Variants in ERLEC1 observed in about 807,000 individuals in gnomAD.
The protein encoded by ERLEC1 is endoplasmic reticulum lectin 1.
In ERLEC1, 47 loss-of-function variants were observed where a neutral mutation model predicts 68.0. The observed-to-expected ratio is 0.69, with a 90% confidence interval of 0.55 to 0.88. ERLEC1 has a LOEUF of 0.88. Among genes scored for constraint, ERLEC1 ranks in the 40% least tolerant of loss-of-function variants. The probability of loss-of-function intolerance (pLI) is 0.00; values close to 1 mark genes in which losing one functional copy is unlikely to be tolerated. For synonymous variants in ERLEC1, 225 were observed against 203.2 expected, an observed-to-expected ratio of 1.11 and a Z score of -0.91; for missense variants, 567 against 583.8, an observed-to-expected ratio of 0.97 and a Z score of 0.30.
At position 53,794,325 on chromosome 2, in the gene ERLEC1, GT is replaced by G. The variant is rs777296809; in HGVS notation, c.163-14del. The G allele has an allele frequency of 1.7e-6, 2 of 1,159,400 alleles. No individual in the cohort carries two copies. The highest frequency in any genetic ancestry group is 2.5e-6 in the Non-Finnish European group (2 of 811,568). 71.8% of individuals were successfully genotyped at this position (1,159,400 alleles called of 1,614,324 possible). ...CAATTTCACGGAGAACATAATGTATGTTTTTTCTTCTATTTGCAGCCCACAA... is the reference window on the plus strand; with the variant it reads ...CAATTTCACGGAGAACATAATGTATGTTTTTCTTCTATTTGCAGCCCACAA... On this transcript the variant is annotated intron_variant, in intron 1 of 13. Transcript: ENST00000185150.
At chr2:53,796,246 G>GTTTTTT (rs200295316) in intron 3 of ERLEC1, among the ~76,000 whole-genome samples, 6 of 126,466 alleles carry the variant, frequency 4.7e-5, no homozygotes, top group Non-Finnish European at 8.3e-5. Flanking sequence ...TGATGGGTTG[G>GTTTTTT]TTTTTTTTTT....
intron 4 of ERLEC1, 31 bp downstream of exon 4, chr2:53,797,623 A>G (rs756986809): frequency 2.0e-5 from 31 of 1,579,714 alleles, no homozygotes; most frequent in East Asian, 4.5e-5. Context: ...TTATTATGAA[A>G]CATTATAAGA....
intron 2 of ERLEC1, among the ~76,000 whole-genome samples, 182 bp from the exon 3 acceptor site, chr2:53,795,751 A>C (rs1223223703): frequency 2.6e-5 from 4 of 152,192 alleles, no homozygotes; most frequent in African/African-American, 9.7e-5. Context: ...TTACGGCTCC[A>C]TATTTTATAC....
Position 53,818,040 on chromosome 2 carries a change from T to C in ERLEC1, c.*71T>C, listed in dbSNP as rs887056307. ...TAATTTCTGTCCCACTGTGTCTCAT[T>C]ATAGAGTTCTCAGCCATTGGACCTC... is the stretch of plus-strand genomic sequence containing the variant. On this transcript the variant is annotated 3_prime_UTR_variant, in exon 14 of 14. Transcript: ENST00000185150. 3 of 1,015,752 alleles carry C rather than the reference T, an allele frequency of 3.0e-6. No homozygotes were observed. The highest frequency in any genetic ancestry group is 3.2e-5 in the African/African-American group (2 of 63,426). The allele number at this position is 1,015,752 out of a possible 1,614,324, so 62.9% of individuals were successfully genotyped here.
intron 2 of ERLEC1, 56 bp from the exon 3 acceptor site, chr2:53,795,877 A>G: frequency 1.7e-6 from 2 of 1,207,380 alleles, no homozygotes; most frequent in African/African-American, 1.5e-5. Context: ...TCCAAACAGC[A>G]AAGTTGGGTG....
At chr2:53,809,525 G>A (rs919771220) in intron 10 of ERLEC1, among the ~76,000 whole-genome samples, 2 of 152,182 alleles carry the variant, frequency 1.3e-5, no homozygotes, top group Admixed American at 6.5e-5. Flanking sequence ...ATAATGAGCT[G>A]TTGTGGCTAT....
chr2:53,798,144 G>A (rs527890929), intron 5 of ERLEC1, among the ~76,000 whole-genome samples: 3 of 152,148 alleles, frequency 2.0e-5, no homozygotes, highest in African/African-American at 2.4e-5. Context: ...GCAGTGAGCC[G>A]AGATGGCACC....
intron 10 of ERLEC1, among the ~76,000 whole-genome samples, chr2:53,812,193 G>C (rs1175992428): frequency 6.6e-6 from 1 of 152,146 alleles, no homozygotes. Context: ...GGGATTACAA[G>C]TGTGAGCCTC....
chr2:53,815,987 A>AT (rs1483029998), intron 13 of ERLEC1, among the ~76,000 whole-genome samples: 1 of 150,780 alleles, frequency 6.6e-6, no homozygotes, highest in Non-Finnish European at 1.5e-5. Flanking sequence ...TTGCCTATTC[A>AT]TTTTTCTTTC....
intron 12 of ERLEC1, 23 bp from the exon 13 acceptor site, chr2:53,814,837 C>A: frequency 6.4e-7 from 1 of 1,562,314 alleles, no homozygotes; most frequent in Non-Finnish European, 8.8e-7. Context: ...TTGGACAGTA[C>A]CTTAAAGTGC....
rs941817958 is a variant in ERLEC1 at position 53,787,137 on chromosome 2, ACCTCCT to A, written c.-60_-55del. On this transcript the variant is annotated 5_prime_UTR_variant, in exon 1 of 14. Coordinates refer to ENST00000185150, the MANE Select transcript of ERLEC1 (RefSeq NM_015701.5). The stretch of plus-strand genomic sequence containing the variant: ...TTATAGTCCCGCCGCCTCCTCCTCC[ACCTCCT>A]CCTCCTCCTCCTCTCCTCCTGGAGC... 5.9e-6 allele frequency: 6 copies of A among 1,021,710 alleles called. No homozygotes were observed. Among genetic ancestry groups the A allele is most frequent in the East Asian group, 4.2e-5 (1 of 24,090 alleles). 63.3% of individuals were successfully genotyped at this position (1,021,710 alleles called of 1,614,324 possible). A position where few individuals can be genotyped will look rare whatever the true frequency, so the allele number is the denominator to read the frequency against.
chr2:53,790,028 AAAAG>A (rs1355225533), intron 1 of ERLEC1, among the ~76,000 whole-genome samples: 21 of 150,528 alleles, frequency 1.4e-4, no homozygotes, highest in East Asian at 5.8e-4. Flanking sequence ...AAAAAAAAAA[AAAAG>A]AAAAGAAAAG....
At chr2:53,817,598 G>C (rs746628984) in intron 13 of ERLEC1, among the ~76,000 whole-genome samples, 11 of 151,754 alleles carry the variant, frequency 7.2e-5, no homozygotes, top group Non-Finnish European at 1.6e-4. Context: ...TAATTATTTT[G>C]CCATAATGTT....
rs994466684 is a variant in ERLEC1 at position 53,787,073 on chromosome 2, G to A, written c.-138G>A. The A allele has an allele frequency of 2.0e-5, 24 of 1,221,180 alleles. No individual in the cohort carries two copies. The highest frequency in any genetic ancestry group is 2.5e-5 in the Non-Finnish European group (23 of 917,276). 75.6% of individuals were successfully genotyped at this position (1,221,180 alleles called of 1,614,324 possible). A position where few individuals can be genotyped will look rare whatever the true frequency, so the allele number is the denominator to read the frequency against. On this transcript the variant is annotated 5_prime_UTR_variant, in exon 1 of 14. Transcript: ENST00000185150. ...GCGGCGTTGCCGGGCTCTCCGGAAG[G>A]AGACGTGGCGGCGGTTGGGCCGGTG...
At position 53,801,403 on chromosome 2, in the gene ERLEC1, A is replaced by G; in HGVS notation, c.532A>G (p.Thr178Ala). The change falls in exon 7 of 14, where the codon ACT becomes GCT. Residue 178 changes from threonine (T) to alanine (A), a missense_variant. By Grantham distance (58) the Thr-to-Ala change is moderately conservative (BLOSUM62 0). Coordinates refer to ENST00000185150, the MANE Select transcript of ERLEC1 (RefSeq NM_015701.5). Reference protein sequence around the residue: ...EEKEKSNEIPTKNIEGQMTPY... With the variant: ...EEKEKSNEIPAKNIEGQMTPY... ...TATACTCTTTTTTTTTAAGATTCCC[A>G]CTAAAAATATCGAAGGTCAGATGAC... is the stretch of plus-strand genomic sequence containing the variant. 1 of 1,612,838 alleles carries G rather than the reference A, an allele frequency of 6.2e-7. No individual in the cohort carries two copies. Among genetic ancestry groups the G allele is most frequent in the Non-Finnish European group, 8.5e-7 (1 of 1,179,168 alleles).
Position 53,812,901 on chromosome 2 carries a change from C to G in ERLEC1, c.1102-48C>G, listed in dbSNP as rs202149347. 2.1e-4 allele frequency: 328 copies of G among 1,591,598 alleles called. No homozygotes were observed. The African/African-American group carries it at 3.8e-3, about 19-fold the overall frequency. ...GTCAGGTCATCAGCATAAATATCTACTTGATGATATCAAGCACGCATTATC... is the reference window on the plus strand; with the variant it reads ...GTCAGGTCATCAGCATAAATATCTAGTTGATGATATCAAGCACGCATTATC... On this transcript the variant is annotated intron_variant, in intron 10 of 13. Coordinates refer to ENST00000185150, the MANE Select transcript of ERLEC1 (RefSeq NM_015701.5).
rs780236320 is a variant in ERLEC1, at chr2:53,809,292, A to G, written c.1101+19A>G. 11 of 1,483,110 alleles carry G rather than the reference A, an allele frequency of 7.4e-6. No homozygotes were observed. The East Asian group carries it at 1.8e-4, about 24-fold the overall frequency. The allele number at this position is 1,483,110 out of a possible 1,614,324, so 91.9% of individuals were successfully genotyped here. A position where few individuals can be genotyped will look rare whatever the true frequency, so the allele number is the denominator to read the frequency against. ...CCATGAGGTATAGAATAGCATTTAT[A>G]TATCATTCTACCACTAGATGGTTTA... On this transcript the variant is annotated intron_variant, in intron 10 of 13. Coordinates refer to ENST00000185150, the MANE Select transcript of ERLEC1 (RefSeq NM_015701.5).
chr2:53,787,207 G>A lies in ERLEC1; in HGVS notation c.-4G>A. 2 of 1,598,164 alleles carry A rather than the reference G, an allele frequency of 1.3e-6. No homozygotes were observed. Among genetic ancestry groups the A allele is most frequent in the Non-Finnish European group, 1.7e-6 (2 of 1,175,674 alleles). On this transcript the variant is annotated 5_prime_UTR_variant, in exon 1 of 14. Coordinates refer to ENST00000185150, the MANE Select transcript of ERLEC1 (RefSeq NM_015701.5). ...GCGGTGGCTGGAGAAAGCGGCGGCG[G>A]AGGATGGAGGAAGGAGGCGGCGGCG...
At chr2:53,788,230 A>G (rs1401932221) in intron 1 of ERLEC1, among the ~76,000 whole-genome samples, 2 of 152,260 alleles carry the variant, frequency 1.3e-5, no homozygotes, top group Non-Finnish European at 2.9e-5. Flanking sequence ...ACCTTCAAGC[A>G]TTCAACTTGC....
Sources: allele counts gnomAD v4.1 joint callset (sites outside exome capture counted in the v4.1 genomes callset), GRCh38; gene constraint gnomAD v4.1.1; transcripts MANE v1.5; gene names NCBI Gene and HGNC (gene_info 2026-07-23, HGNC 2026-07-21).